The following SLC35F4 variants were observed in gnomAD, a reference collection of about 807,000 sequenced individuals.
The protein encoded by SLC35F4 is solute carrier family 35 member F4.
SLC35F4 carries 24 observed loss-of-function variants against 44.2 expected under a neutral mutation model. The observed-to-expected ratio is 0.54, with a 90% confidence interval of 0.39 to 0.76. The LOEUF is 0.76. SLC35F4 is among the 30% of genes least tolerant of loss of function. The pLI is 0.00. For missense variants in SLC35F4, 562 were observed against 586.1 expected, an observed-to-expected ratio of 0.96 and a Z score of 0.42; for synonymous variants, 238 against 223.6, an observed-to-expected ratio of 1.06 and a Z score of -0.57.
chr14:57,803,934 A>G (rs1305626246), intron 1 of SLC35F4, among the ~76,000 whole-genome samples: 2 of 152,134 alleles, frequency 1.3e-5, no homozygotes, highest in African/African-American at 2.4e-5. Flanking sequence ...CTCAGGATAC[A>G]AAATCATTGT....
intron 1 of SLC35F4, among the ~76,000 whole-genome samples, chr14:57,924,054 C>T (rs1221340476): frequency 6.6e-6 from 1 of 152,206 alleles, no homozygotes; most frequent in Admixed American, 6.5e-5. Context: ...CCTGTACAGG[C>T]TCTCTCTTTG....
chr14:57,859,504 G>A (rs1163060321), intron 1 of SLC35F4, among the ~76,000 whole-genome samples: 2 of 152,182 alleles, frequency 1.3e-5, no homozygotes, highest in African/African-American at 4.8e-5. Flanking sequence ...TTGTGGTGTA[G>A]GGGGGAGAAA....
chr14:57,578,325 GTTTTTTTTTTTTTTTTTTTTTTTTT>G (rs199785589), intron 4 of SLC35F4, among the ~76,000 whole-genome samples: 3 of 43,116 alleles, frequency 7.0e-5, no homozygotes, highest in South Asian at 1.1e-3. Context: ...CCCTTTAACT[GTTTTTTTTTTTTTTTTTTTTTTTTT>G]TTTTTTTTTT....
intron 1 of SLC35F4, among the ~76,000 whole-genome samples, chr14:57,671,109 G>T (rs1442238811): frequency 1.3e-5 from 2 of 151,796 alleles, no homozygotes; most frequent in African/African-American, 4.9e-5. Context: ...TCACTATGTT[G>T]GCCAGCATAG....
chr14:57,682,745 G>T (rs1429091921), intron 1 of SLC35F4, among the ~76,000 whole-genome samples: 2 of 152,062 alleles, frequency 1.3e-5, no homozygotes, highest in African/African-American at 4.8e-5. Flanking sequence ...TAACTGGCCA[G>T]ACTGTATGAG....
intron 7 of SLC35F4, 29 bp from the exon 8 acceptor site, chr14:57,564,405 T>C (rs1252479025): frequency 1.9e-6 from 3 of 1,581,466 alleles, no homozygotes. Context: ...GTCAGTCATT[T>C]CCTATGCCTG....
At chr14:57,627,652 A>G (rs1440568599) in intron 1 of SLC35F4, among the ~76,000 whole-genome samples, 1 of 152,128 alleles carries the variant, frequency 6.6e-6, no homozygotes, top group Non-Finnish European at 1.5e-5. Flanking sequence ...ACCAGAAACT[A>G]TCTGACTACT....
chr14:57,585,155 A>T (rs972390406), intron 3 of SLC35F4, among the ~76,000 whole-genome samples: 1 of 152,130 alleles, frequency 6.6e-6, no homozygotes, highest in African/African-American at 2.4e-5. Flanking sequence ...TCACGGTGAG[A>T]ATTAATATTC....
intron 1 of SLC35F4, among the ~76,000 whole-genome samples, chr14:57,834,818 G>A (rs141678924): frequency 3.3e-4 from 50 of 152,292 alleles, no homozygotes; most frequent in African/African-American, 1.2e-3. Flanking sequence ...TCAGGAGTTC[G>A]AGACCAGCAT....
At chr14:57,793,213 G>A (rs981814489) in intron 1 of SLC35F4, among the ~76,000 whole-genome samples, 2 of 151,794 alleles carry the variant, frequency 1.3e-5, no homozygotes, top group Admixed American at 6.6e-5. Flanking sequence ...AATAACACCT[G>A]CTCCACCTTT....
At chr14:57,566,311 G>A (rs550378101) in intron 7 of SLC35F4, among the ~76,000 whole-genome samples, 164 bp downstream of exon 7, 2 of 152,310 alleles carry the variant, frequency 1.3e-5, no homozygotes, top group African/African-American at 4.8e-5. Flanking sequence ...TAAATCTGCT[G>A]CATAGTTACT....
chr14:57,870,531 T>C (rs1309591146), upstream of SLC35F4, among the ~76,000 whole-genome samples: 7 of 152,204 alleles, frequency 4.6e-5, no homozygotes, highest in Non-Finnish European at 1.0e-4. Context: ...GACTGGCATA[T>C]AGTAAGCATC....
intron 1 of SLC35F4, among the ~76,000 whole-genome samples, chr14:57,806,673 T>C (rs1881356885): frequency 6.6e-6 from 1 of 152,232 alleles, no homozygotes; most frequent in Non-Finnish European, 1.5e-5. Context: ...GAGTAAAATA[T>C]AATTCTGTTA....
At chr14:57,947,049 G>A (rs1238054849) in intron 1 of SLC35F4, among the ~76,000 whole-genome samples, 2 of 151,946 alleles carry the variant, frequency 1.3e-5, no homozygotes, top group Admixed American at 6.6e-5. Context: ...GAATTGCACT[G>A]AATCTATAGA....
chr14:57,614,107 G>A (rs1415349560), intron 1 of SLC35F4, among the ~76,000 whole-genome samples: 1 of 152,166 alleles, frequency 6.6e-6, no homozygotes, highest in Non-Finnish European at 1.5e-5. Context: ...GTTATAAACT[G>A]TGGTTTGGCT....
intron 1 of SLC35F4, among the ~76,000 whole-genome samples, chr14:57,939,805 G>A (rs1889883313): frequency 6.6e-6 from 1 of 152,160 alleles, no homozygotes; most frequent in Non-Finnish European, 1.5e-5. Flanking sequence ...AAACATCCAA[G>A]TTATAGAGTA....
intron 1 of SLC35F4, among the ~76,000 whole-genome samples, chr14:57,710,404 A>G (rs977718128): frequency 6.6e-6 from 1 of 152,112 alleles, no homozygotes; most frequent in Non-Finnish European, 1.5e-5. Flanking sequence ...AACTTCCGCT[A>G]GGGCAGTGCA....
intron 1 of SLC35F4, among the ~76,000 whole-genome samples, chr14:57,880,875 T>A (rs1253569667): frequency 1.3e-5 from 2 of 152,152 alleles, no homozygotes; most frequent in African/African-American, 4.8e-5. Flanking sequence ...CACAATACAT[T>A]GATGAATAAA....
chr14:57,572,813 T>A (rs758049770), intron 4 of SLC35F4, among the ~76,000 whole-genome samples: 1 of 152,258 alleles, frequency 6.6e-6, no homozygotes, highest in Non-Finnish European at 1.5e-5. Context: ...CCTTAGTGAA[T>A]TGCTGCTTTG....
Sources: gnomAD v4.1 joint callset for allele counts (sites outside exome capture counted in the v4.1 genomes callset) on GRCh38, gnomAD v4.1.1 for gene constraint, MANE v1.5 for transcripts, NCBI Gene and HGNC (gene_info 2026-07-23, HGNC 2026-07-21) for gene names.